Variants in ZDHHC19 observed in about 807,000 individuals in gnomAD.
The protein encoded by ZDHHC19 is zDHHC palmitoyltransferase 19, also known as palmitoyltransferase ZDHHC19.
Under a neutral mutation model 33.9 loss-of-function variants are expected in ZDHHC19, and 30 were observed. That is an observed-to-expected ratio of 0.88 (90% confidence interval 0.66 to 1.20). The LOEUF (loss-of-function observed/expected upper bound fraction) is 1.20. Ranked by LOEUF, ZDHHC19 falls within the 50% of genes most tolerant of loss-of-function variation. ZDHHC19 has a pLI of 0.00. For synonymous variants in ZDHHC19, 178 were observed against 167.6 expected (o/e 1.06, Z -0.48); for missense variants, 364 against 401.1 (o/e 0.91, Z 0.79).
At chr3:196,198,903 G>A in intron 5 of ZDHHC19, 29 bp from the exon 6 acceptor site, 1 of 1,607,484 alleles carries the variant, frequency 6.2e-7, no homozygotes, top group Non-Finnish European at 8.5e-7. Context: ...CGGAAGAGGA[G>A]CTCAGAACCA....
chr3:196,205,307 C>A (rs781236125), intron 5 of ZDHHC19, among the ~76,000 whole-genome samples: 1 of 152,098 alleles, frequency 6.6e-6, no homozygotes, highest in Non-Finnish European at 1.5e-5. Context: ...CAATGCAATA[C>A]CGTACGGCAA....
intron 5 of ZDHHC19, among the ~76,000 whole-genome samples, chr3:196,200,635 T>C (rs938314996): frequency 2.0e-5 from 3 of 148,336 alleles, no homozygotes; most frequent in East Asian, 3.9e-4. Flanking sequence ...ATTACAAGCG[T>C]GAGCCACCAC....
At position 196,209,466 on chromosome 3, in the gene ZDHHC19, G is replaced by T. The variant is rs201286461; in HGVS notation, c.318C>A (p.His106Gln). Residue 106 changes from histidine to glutamine, a missense_variant, in exon 3 of 8, where the codon CAC (histidine) becomes CAA (glutamine). Transcript: ENST00000296326. ...GACACCATTGCAGGCGGAAGGCCCCGTGGTTCACCCACACCACGTGCACCG... is the reference window on the plus strand; with the variant it reads ...GACACCATTGCAGGCGGAAGGCCCCTTGGTTCACCCACACCACGTGCACCG... ...PLTVHVVWVN[H>Q]GAFRLQWCPK... 3.5e-3 allele frequency: 5,572 copies of T among 1,612,432 alleles called. 18 individuals are homozygous for T. Among genetic ancestry groups the T allele is most frequent in the Non-Finnish European group, 4.5e-3 (5,316 of 1,179,528 alleles).
At position 196,208,387 on chromosome 3, in the gene ZDHHC19, C is replaced by G; in HGVS notation, c.581+1G>C. ...TCCTGCTTCCCCACGTGGGCGGATA[C>G]GCGATGGCCTTGTCGGTGGAGAAGG... On this transcript the variant is annotated splice_donor_variant, in intron 4 of 7. Coordinates refer to ENST00000296326, the MANE Select transcript of ZDHHC19 (RefSeq NM_001039617.2). LOFTEE classifies it high-confidence loss of function. 1.2e-6 allele frequency: 2 copies of G among 1,612,672 alleles called. No individual in the cohort carries two copies. Among genetic ancestry groups the G allele is most frequent in the Non-Finnish European group, 1.7e-6 (2 of 1,179,218 alleles).
At chr3:196,202,178 G>A (rs1013424570) in intron 5 of ZDHHC19, among the ~76,000 whole-genome samples, 16 of 152,230 alleles carry the variant, frequency 1.1e-4, no homozygotes, top group African/African-American at 3.9e-4. Flanking sequence ...ATTTTTAGTA[G>A]GGTGTGGTGG....
intron 3 of ZDHHC19, chr3:196,209,006 C>T: frequency 3.5e-6 from 1 of 287,974 alleles, no homozygotes; most frequent in Admixed American, 4.7e-5. Flanking sequence ...CCAACTTGGA[C>T]ACCCAGGCGA....
At position 196,198,297 on chromosome 3, in the gene ZDHHC19, A is replaced by T; in HGVS notation, c.928T>A (p.Ter310ArgextTer55). Reference sequence around the variant, plus strand: ...TTACCTCCTGGAGAGCTGCAGCCTCACCACGCCCCGGGGGTCCCTTCCCTG... The same window carrying T: ...TTACCTCCTGGAGAGCTGCAGCCTCTCCACGCCCCGGGGGTCCCTTCCCTG... ...QSREGTPGAW[*>R] The change falls in exon 7 of 8, where the codon TGA becomes AGA. Residue 310 changes from the stop codon to arginine (R), a stop_lost. Transcript: ENST00000296326. 1 of 1,501,996 alleles carries T rather than the reference A, an allele frequency of 6.7e-7. No individual in the cohort carries two copies. Among genetic ancestry groups the T allele is most frequent in the Non-Finnish European group, 8.9e-7 (1 of 1,126,276 alleles). The allele number at this position is 1,501,996 out of a possible 1,614,324, so 93.0% of individuals were successfully genotyped here.
intron 5 of ZDHHC19, among the ~76,000 whole-genome samples, chr3:196,200,161 G>A (rs991480223): frequency 6.6e-6 from 1 of 150,894 alleles, no homozygotes; most frequent in Non-Finnish European, 1.5e-5. Context: ...TGTAGTCTCA[G>A]CTTCTTGGGA....
chr3:196,202,804 C>T (rs1249568263), intron 5 of ZDHHC19, among the ~76,000 whole-genome samples: 1 of 152,150 alleles, frequency 6.6e-6, no homozygotes, highest in African/African-American at 2.4e-5. Flanking sequence ...CTGAAGCTGC[C>T]GGGGAAGGGG....
At chr3:196,200,341 T>C in intron 5 of ZDHHC19, among the ~76,000 whole-genome samples, 2 of 83,440 alleles carry the variant, frequency 2.4e-5, no homozygotes, top group Non-Finnish European at 5.1e-5. Flanking sequence ...TATATATATA[T>C]ATGTATATAT....
At chr3:196,207,609 G>T in intron 4 of ZDHHC19, 106 bp from the exon 5 acceptor site, 1 of 183,708 alleles carries the variant, frequency 5.4e-6, no homozygotes, top group Non-Finnish European at 8.2e-6. Context: ...CCGCCCCTCA[G>T]GCCCGACTCC....
intron 4 of ZDHHC19, among the ~76,000 whole-genome samples, 181 bp downstream of exon 4, chr3:196,208,207 C>T (rs1393539116): frequency 6.6e-6 from 1 of 152,010 alleles, no homozygotes; most frequent in Non-Finnish European, 1.5e-5. Flanking sequence ...CCGGGGGAGG[C>T]TTAACGCTCC....
rs1379023589 is a variant in ZDHHC19 at position 196,210,342 on chromosome 3, A to AG, written c.268+273_268+274insC. 5.5e-3 allele frequency among the ~76,000 whole-genome samples: 277 copies of AG among 49,980 alleles called. 4 individuals carry two copies. Among genetic ancestry groups the AG allele is most frequent in the African/African-American group, 7.6e-3 (172 of 22,580 alleles). 32.8% of individuals were successfully genotyped at this position (49,980 alleles called of 152,430 possible). A position where few individuals can be genotyped will look rare whatever the true frequency, so the allele number is the denominator to read the frequency against. On this transcript the variant is annotated intron_variant, in intron 2 of 7. Coordinates refer to ENST00000296326, the MANE Select transcript of ZDHHC19 (RefSeq NM_001039617.2). Reference sequence around the variant, plus strand: ...GAAAGAAGGAAAGAAAGAAAGAAAGAAAAGAGAAAGAAAGAAAGAAGGAAG... The same window carrying AG: ...GAAAGAAGGAAAGAAAGAAAGAAAGAGAAAGAGAAAGAAAGAAAGAAGGAAG...
chr3:196,200,574 T>TA (rs1722243462), intron 5 of ZDHHC19, among the ~76,000 whole-genome samples: 2 of 150,634 alleles, frequency 1.3e-5, no homozygotes, highest in Admixed American at 6.6e-5. Context: ...CAGGATGGTC[T>TA]CGATCTCCTG....
At position 196,198,837 on chromosome 3, in the gene ZDHHC19, C is replaced by A. The variant is rs763009218; in HGVS notation, c.725G>T (p.Gly242Val). 1.2e-6 allele frequency: 2 copies of A among 1,614,006 alleles called. No individual in the cohort carries two copies. The highest frequency in any genetic ancestry group is 1.7e-6 in the Non-Finnish European group (2 of 1,180,016). ...TGTTAAATACCAGTTGCTGGCACAG[C>A]CCTGGTCGAAGGGGTTGTATCCCTG... ...HLQGYNPFDQ[G>V]CASNWYLTIC... Residue 242 changes from glycine to valine, a missense_variant, in exon 6 of 8, where the codon GGC (glycine) becomes GTC (valine). Coordinates refer to ENST00000296326, the MANE Select transcript of ZDHHC19 (RefSeq NM_001039617.2).
chr3:196,209,236 G>A (rs1178977955), intron 3 of ZDHHC19, 140 bp downstream of exon 3: 2 of 1,197,666 alleles, frequency 1.7e-6, no homozygotes, highest in Non-Finnish European at 2.3e-6. Context: ...GACCAAGGGT[G>A]GCTGGGAGTT....
At chr3:196,201,541 G>A (rs1722351656) in intron 5 of ZDHHC19, among the ~76,000 whole-genome samples, 1 of 151,086 alleles carries the variant, frequency 6.6e-6, no homozygotes, top group African/African-American at 2.4e-5. Context: ...TGGCCAACAT[G>A]GAAGAACCCG....
intron 5 of ZDHHC19, among the ~76,000 whole-genome samples, chr3:196,204,323 T>C (rs907620208): frequency 6.6e-6 from 1 of 152,110 alleles, no homozygotes; most frequent in Non-Finnish European, 1.5e-5. Context: ...TCTAACAAAA[T>C]GGATACAAAA....
chr3:196,209,593 G>T, intron 2 of ZDHHC19, 78 bp from the exon 3 acceptor site: 1 of 1,537,714 alleles, frequency 6.5e-7, no homozygotes, highest in Non-Finnish European at 8.8e-7. Context: ...CGGCATCACA[G>T]GGCACAAGGA....
Sources: allele counts gnomAD v4.1 joint callset (sites outside exome capture counted in the v4.1 genomes callset), GRCh38; gene constraint gnomAD v4.1.1; transcripts MANE v1.5; gene names NCBI Gene and HGNC (gene_info 2026-07-23, HGNC 2026-07-21).